TRIO: variants seen among roughly 807,000 people sequenced by gnomAD.
TRIO encodes triple functional domain protein.
Under a neutral mutation model 351.9 loss-of-function variants are expected in TRIO, and 58 were observed. That is an observed-to-expected ratio of 0.16 (90% CI 0.13 to 0.21). The LOEUF (loss-of-function observed/expected upper bound fraction) is 0.21. TRIO is among the 10% of genes least tolerant of loss of function. The pLI is 1.00. For synonymous variants in TRIO, 1,758 were observed against 1,595.7 expected (o/e 1.10, Z -2.42); for missense variants, 3,201 against 4,027.8 (o/e 0.79, Z 5.56).
At chr5:14,460,922 C>A in intron 34 of TRIO, 97 bp from the exon 35 acceptor site, 1 of 1,394,464 alleles carries the variant, frequency 7.2e-7, no homozygotes, top group Admixed American at 2.9e-5. Context: ...GGCATCCAGG[C>A]CCACTGGCTT....
At chr5:14,433,431 GTA>G (rs1238921129) in intron 34 of TRIO, among the ~76,000 whole-genome samples, 15 of 152,192 alleles carry the variant, frequency 9.9e-5, no homozygotes, top group Non-Finnish European at 8.8e-5. Context: ...CTGAACAGGA[GTA>G]TCTTTGTGCA....
At chr5:14,234,061 G>C (rs145366026) in intron 1 of TRIO, among the ~76,000 whole-genome samples, 19 of 152,294 alleles carry the variant, frequency 1.2e-4, no homozygotes, top group African/African-American at 4.6e-4. Context: ...CTCCCAAGGT[G>C]CTGAGATAGG....
rs145766196 is a variant in TRIO at position 14,420,503 on chromosome 5, T to C, written c.5203+482T>C. 267 of 153,628 alleles carry C rather than the reference T, an allele frequency of 1.7e-3. 2 individuals carry two copies. The highest frequency in any genetic ancestry group is 6.2e-3 in the African/African-American group (256 of 41,588). 9.5% of individuals were successfully genotyped at this position (153,628 alleles called of 1,614,324 possible). A position where few individuals can be genotyped will look rare whatever the true frequency, so the allele number is the denominator to read the frequency against. ...TCTCAGGACCTAAATGTGAGTTTAC[T>C]GTCACTTCGGTAAGAAACAGGAAGA... On this transcript the variant is annotated intron_variant, in intron 34 of 56. Transcript: ENST00000344204.
chr5:14,242,351 G>A (rs920768754), intron 1 of TRIO, among the ~76,000 whole-genome samples: 8 of 152,202 alleles, frequency 5.3e-5, no homozygotes, highest in African/African-American at 1.9e-4. Context: ...AAATCTGAGT[G>A]CAGAATAAAG....
At chr5:14,198,020 G>C (rs1240047395) in intron 1 of TRIO, among the ~76,000 whole-genome samples, 2 of 152,156 alleles carry the variant, frequency 1.3e-5, no homozygotes, top group African/African-American at 4.8e-5. Context: ...CCAGAACAAA[G>C]ATAGTCATTG....
intron 18 of TRIO, among the ~76,000 whole-genome samples, chr5:14,371,404 TCTC>T (rs1170701663): frequency 2.0e-5 from 3 of 152,142 alleles, no homozygotes; most frequent in Non-Finnish European, 4.4e-5. Context: ...GAGAATGGAT[TCTC>T]CTCCTATTTT....
At chr5:14,299,916 GGGT>G (rs1159088920) in intron 7 of TRIO, among the ~76,000 whole-genome samples, 1 of 152,202 alleles carries the variant, frequency 6.6e-6, no homozygotes, top group Non-Finnish European at 1.5e-5. Context: ...CTCTCTCCAT[GGGT>G]GGTGGTGTGC....
intron 34 of TRIO, among the ~76,000 whole-genome samples, chr5:14,430,765 G>T (rs1178672661): frequency 6.6e-6 from 1 of 151,700 alleles, no homozygotes; most frequent in Non-Finnish European, 1.5e-5. Context: ...ACCCAGGCTG[G>T]AGTGCAGTGG....
intron 20 of TRIO, among the ~76,000 whole-genome samples, chr5:14,379,819 C>T (rs899721643): frequency 4.6e-5 from 7 of 152,234 alleles, no homozygotes; most frequent in African/African-American, 1.7e-4. Context: ...CGTGCTGTTG[C>T]AGGTGGTGCC....
chr5:14,148,199 G>A (rs1398720555), intron 1 of TRIO, among the ~76,000 whole-genome samples: 1 of 152,154 alleles, frequency 6.6e-6, no homozygotes, highest in Non-Finnish European at 1.5e-5. Flanking sequence ...AAATGAAGCC[G>A]GTGGTGGTGT....
intron 8 of TRIO, among the ~76,000 whole-genome samples, chr5:14,309,555 C>T (rs1253271439): frequency 6.6e-6 from 1 of 152,226 alleles, no homozygotes; most frequent in Non-Finnish European, 1.5e-5. Flanking sequence ...GCTTAAAATG[C>T]AGCAGTACTC....
chr5:14,431,683 G>A (rs553928596), intron 34 of TRIO, among the ~76,000 whole-genome samples: 146 of 152,258 alleles, frequency 9.6e-4, no homozygotes, highest in African/African-American at 3.3e-3. Context: ...ATTAACAGAA[G>A]GGGGAGAAGG....
At chr5:14,457,095 G>T (rs1220073382) in intron 34 of TRIO, among the ~76,000 whole-genome samples, 2 of 152,062 alleles carry the variant, frequency 1.3e-5, no homozygotes, top group East Asian at 1.9e-4. Flanking sequence ...AAGAGAAGGG[G>T]TCATTATTGT....
chr5:14,179,386 C>A (rs1474729935), intron 1 of TRIO, among the ~76,000 whole-genome samples: 1 of 151,756 alleles, frequency 6.6e-6, no homozygotes, highest in Non-Finnish European at 1.5e-5. Flanking sequence ...AAAATGTATT[C>A]TTTTCACTTG....
At chr5:14,458,411 C>T (rs1443198079) in intron 34 of TRIO, among the ~76,000 whole-genome samples, 2 of 152,202 alleles carry the variant, frequency 1.3e-5, no homozygotes, top group Non-Finnish European at 2.9e-5. Context: ...CCTGTGCCCA[C>T]CTCCCTCAAA....
chr5:14,481,932 C>A, intron 45 of TRIO: 1 of 307,768 alleles, frequency 3.2e-6, no homozygotes, highest in Non-Finnish European at 6.0e-6. Flanking sequence ...CACTTAAGAC[C>A]ATGGTTAGCT....
At position 14,398,864 on chromosome 5, in the gene TRIO, T is replaced by A. The variant is rs1177131368; in HGVS notation, c.4424-16T>A. On this transcript the variant is annotated splice_polypyrimidine_tract_variant and intron_variant, in intron 29 of 56. Transcript: ENST00000344204. Reference sequence around the variant, plus strand: ...TTTCTTTTAAATTGATTTGCCTCCCTTTTTTCATGTTGTAGGGTTTGATGA... The same window carrying A: ...TTTCTTTTAAATTGATTTGCCTCCCATTTTTCATGTTGTAGGGTTTGATGA... 6.3e-7 allele frequency: 1 copy of A among 1,575,846 alleles called. No individual in the cohort carries two copies. The highest frequency in any genetic ancestry group is 2.2e-5 in the East Asian group (1 of 44,464).
At chr5:14,373,581 T>C (rs181736108) in intron 18 of TRIO, among the ~76,000 whole-genome samples, 2 of 152,370 alleles carry the variant, frequency 1.3e-5, no homozygotes, top group Non-Finnish European at 1.5e-5. Flanking sequence ...TTTTAAAATA[T>C]GTGAATGAAA....
Position 14,419,802 on chromosome 5 carries a change from G to T in TRIO, c.4984G>T (p.Val1662Leu). 1 of 1,614,214 alleles carries T rather than the reference G, an allele frequency of 6.2e-7. No individual in the cohort carries two copies. Among genetic ancestry groups the T allele is most frequent in the Non-Finnish European group, 8.5e-7 (1 of 1,180,044 alleles). The change falls in exon 34 of 57, where the codon GTG becomes TTG. Residue 1662 changes from valine to leucine, a missense_variant. By Grantham distance (32) the Val-to-Leu change is conservative. Coordinates refer to ENST00000344204, the MANE Select transcript of TRIO (RefSeq NM_007118.4). ...DKLSGGCELT[V>L]VIHDFTACNS... ...GCTCTCTGGTGGCTGTGAGCTGACA[G>T]TGGTGATCCATGACTTCACCGCTTG...
Sources: gnomAD v4.1 joint callset for allele counts (sites outside exome capture counted in the v4.1 genomes callset) on GRCh38, gnomAD v4.1.1 for gene constraint, MANE v1.5 for transcripts, NCBI Gene and HGNC (gene_info 2026-07-23, HGNC 2026-07-21) for gene names.